Variants in GPC6 observed in about 807,000 individuals in gnomAD.
The protein encoded by GPC6 is glypican-6.
In GPC6, 14 loss-of-function variants were observed where a neutral mutation model predicts 55.2. That is an observed-to-expected ratio of 0.25 (90% CI 0.17 to 0.40). GPC6 has a LOEUF of 0.40. GPC6 is among the 10% of genes least tolerant of loss of function. The probability of loss-of-function intolerance (pLI) is 1.00; values close to 1 mark genes in which losing one functional copy is unlikely to be tolerated. For missense variants in GPC6, 641 were observed against 708.5 expected, an observed-to-expected ratio of 0.90 and a Z score of 1.08; for synonymous variants, 278 against 259.6, an observed-to-expected ratio of 1.07 and a Z score of -0.68.
chr13:93,924,358 C>T (rs1263116394), intron 3 of GPC6, among the ~76,000 whole-genome samples: 1 of 152,196 alleles, frequency 6.6e-6, no homozygotes, highest in Non-Finnish European at 1.5e-5. Flanking sequence ...CTGCACAGAG[C>T]TATTACAATC....
chr13:93,986,615 A>G (rs529702744), intron 3 of GPC6, among the ~76,000 whole-genome samples: 1 of 152,298 alleles, frequency 6.6e-6, no homozygotes, highest in Non-Finnish European at 1.5e-5. Context: ...ATAAACAACT[A>G]TTACACTTTG....
intron 6 of GPC6, among the ~76,000 whole-genome samples, chr13:94,363,805 G>A: frequency 6.6e-6 from 1 of 152,204 alleles, no homozygotes; most frequent in East Asian, 1.9e-4. Context: ...TAACATGGCA[G>A]CCATTAACAA....
intron 4 of GPC6, among the ~76,000 whole-genome samples, chr13:94,185,002 G>A (rs1889121536): frequency 6.6e-6 from 1 of 152,070 alleles, no homozygotes; most frequent in Admixed American, 6.5e-5. Context: ...CAACACAGAT[G>A]GAGGTGGAGG....
At chr13:93,236,530 G>A (rs549049646) in intron 1 of GPC6, among the ~76,000 whole-genome samples, 11 of 152,204 alleles carry the variant, frequency 7.2e-5, no homozygotes, top group Non-Finnish European at 1.2e-4. Context: ...CACTGCCTGC[G>A]CTCTGCCTCC....
chr13:93,616,347 A>G (rs1878721949), intron 2 of GPC6, among the ~76,000 whole-genome samples: 1 of 152,126 alleles, frequency 6.6e-6, no homozygotes, highest in African/African-American at 2.4e-5. Context: ...AAATTATGAA[A>G]TTCACAGTCT....
chr13:93,397,288 A>G (rs559304334), intron 1 of GPC6, among the ~76,000 whole-genome samples: 2 of 152,250 alleles, frequency 1.3e-5, no homozygotes, highest in South Asian at 4.1e-4. Context: ...AAAGGTTCCA[A>G]TTTATCCACA....
At chr13:93,521,980 A>G (rs1270657390) in intron 1 of GPC6, among the ~76,000 whole-genome samples, 1 of 151,972 alleles carries the variant, frequency 6.6e-6, no homozygotes, top group Non-Finnish European at 1.5e-5. Context: ...AGTCACCTTT[A>G]TCCTTAGCTT....
At chr13:93,924,011 A>T (rs1475788671) in intron 3 of GPC6, among the ~76,000 whole-genome samples, 1 of 152,146 alleles carries the variant, frequency 6.6e-6, no homozygotes, top group Non-Finnish European at 1.5e-5. Context: ...TTGTGAATCC[A>T]CACAAAGTGA....
intron 4 of GPC6, among the ~76,000 whole-genome samples, chr13:94,184,321 GA>G (rs565487730): frequency 1.4e-3 from 204 of 145,346 alleles, no homozygotes; most frequent in East Asian, 5.2e-3. Flanking sequence ...AAAAAACAAA[GA>G]AAAAAAAAAC....
chr13:93,504,740 T>A (rs372017134), intron 1 of GPC6, among the ~76,000 whole-genome samples: 11 of 152,084 alleles, frequency 7.2e-5, no homozygotes, highest in African/African-American at 2.7e-4. Flanking sequence ...TAATTACCAA[T>A]AATTATCTAA....
At chr13:94,221,075 G>T (rs1271153734) in intron 4 of GPC6, among the ~76,000 whole-genome samples, 1 of 152,092 alleles carries the variant, frequency 6.6e-6, no homozygotes, top group African/African-American at 2.4e-5. Context: ...CAACAACAAG[G>T]TGGCTTTAGC....
In GPC6 at chr13:94,291,341, G is replaced by A. The variant is rs544888114; in HGVS notation, c.1008+4862G>A. ...ACGGCTGGTACAGAGAAAAGAGGAC[G>A]CAAGGAATTAAGGAAGAGGAGAGAA... On this transcript the variant is annotated intron_variant, in intron 5 of 8. Coordinates refer to ENST00000377047, the MANE Select transcript of GPC6 (RefSeq NM_005708.5). Among the ~76,000 whole-genome samples, 497 of 152,222 alleles carry A rather than the reference G, an allele frequency of 3.3e-3. 1 individual carries two copies. The highest frequency in any genetic ancestry group is 0.011 in the African/African-American group (474 of 41,534).
chr13:93,448,257 A>T (rs1566362651), intron 1 of GPC6, among the ~76,000 whole-genome samples: 1 of 152,196 alleles, frequency 6.6e-6, no homozygotes, highest in African/African-American at 2.4e-5. Flanking sequence ...TGAAATACTT[A>T]TCATTGTGGT....
chr13:94,022,955 A>G (rs1362515520), intron 3 of GPC6, among the ~76,000 whole-genome samples: 3 of 152,092 alleles, frequency 2.0e-5, no homozygotes, highest in Non-Finnish European at 4.4e-5. Context: ...ATTAAAAATA[A>G]TGTTGTCATC....
At chr13:93,925,228 C>A (rs1050696373) in intron 3 of GPC6, among the ~76,000 whole-genome samples, 2 of 152,060 alleles carry the variant, frequency 1.3e-5, no homozygotes, top group Non-Finnish European at 2.9e-5. Context: ...AGCAGTGGAG[C>A]AGAAATTCAA....
At chr13:93,848,863 C>T (rs1888295066) in intron 3 of GPC6, among the ~76,000 whole-genome samples, 1 of 152,102 alleles carries the variant, frequency 6.6e-6, no homozygotes, top group Non-Finnish European at 1.5e-5. Flanking sequence ...GCCTTCCTCT[C>T]CCCTTTCTTT....
intron 1 of GPC6, among the ~76,000 whole-genome samples, chr13:93,375,687 C>T (rs1354890392): frequency 6.6e-6 from 1 of 152,172 alleles, no homozygotes; most frequent in Non-Finnish European, 1.5e-5. Flanking sequence ...AGAACAGGGA[C>T]CTGACAGTGG....
At chr13:94,239,023 C>T (rs1289513796) in intron 4 of GPC6, among the ~76,000 whole-genome samples, 1 of 152,130 alleles carries the variant, frequency 6.6e-6, no homozygotes, top group Non-Finnish European at 1.5e-5. Flanking sequence ...TGTTTTCACA[C>T]ATTTTACTGC....
intron 1 of GPC6, among the ~76,000 whole-genome samples, chr13:93,353,948 G>GT (rs1215056951): frequency 6.6e-6 from 1 of 152,140 alleles, no homozygotes; most frequent in Non-Finnish European, 1.5e-5. Flanking sequence ...ACAAAGGTGT[G>GT]TTTTTTTGAT....
Sources: allele counts gnomAD v4.1 joint callset (sites outside exome capture counted in the v4.1 genomes callset), GRCh38; gene constraint gnomAD v4.1.1; transcripts MANE v1.5; gene names NCBI Gene and HGNC (gene_info 2026-07-23, HGNC 2026-07-21).